SRP19: variants seen among roughly 807,000 people sequenced by gnomAD.
SRP19 encodes the protein signal recognition particle 19 kDa protein.
Under a neutral mutation model 22.4 loss-of-function variants are expected in SRP19, and 11 were observed. The observed-to-expected ratio is 0.49, with a 90% CI of 0.31 to 0.81. The LOEUF (loss-of-function observed/expected upper bound fraction) is 0.81. Among genes scored for constraint, SRP19 ranks in the 40% least tolerant of loss-of-function variants. The probability of loss-of-function intolerance (pLI) is 0.05; values close to 1 mark genes in which losing one functional copy is unlikely to be tolerated. For missense variants in SRP19, 168 were observed against 175.9 expected (o/e 0.96, Z 0.25); for synonymous variants, 61 against 57.6 (o/e 1.06, Z -0.27).
chr5:112,865,019 T>C (rs763584518), intron 4 of SRP19: 4 of 230,318 alleles, frequency 1.7e-5, no homozygotes, highest in Non-Finnish European at 8.4e-6. Flanking sequence ...GAATATAAAA[T>C]TATTAAATCG....
At chr5:112,874,000 C>T (rs1767839583), downstream of SRP19, among the ~76,000 whole-genome samples, 4 of 148,634 alleles carry the variant, frequency 2.7e-5, no homozygotes, top group Admixed American at 2.7e-4. Context: ...TCCCTCTCTA[C>T]AAAAAAAAAT....
At chr5:112,891,586 T>C in intron 4 of SRP19, 2 of 1,554,874 alleles carry the variant, frequency 1.3e-6, no homozygotes, top group Non-Finnish European at 1.7e-6. Context: ...AACAAAATCT[T>C]CCATATATTC....
chr5:112,874,647 C>T (rs382260), downstream of SRP19, among the ~76,000 whole-genome samples: 98,155 of 151,998 alleles, frequency 0.65, 31,980 homozygotes, highest in East Asian at 0.82. Flanking sequence ...CAACATTGCC[C>T]GGGCTGTTTA....
downstream of SRP19, chr5:112,895,675 TA>T (rs987604891): frequency 1.3e-5 from 2 of 152,190 alleles, no homozygotes; most frequent in African/African-American, 4.8e-5. Flanking sequence ...TTTCTTATGT[TA>T]AAAATAAAGT....
At chr5:112,884,647 A>C (rs949125524) in intron 4 of SRP19, among the ~76,000 whole-genome samples, 1 of 152,048 alleles carries the variant, frequency 6.6e-6, no homozygotes, top group Admixed American at 6.5e-5. Flanking sequence ...TAGCCTCCCA[A>C]AATGTTGGGA....
At chr5:112,872,322 CTTTTTTTT>C (rs759571945), downstream of SRP19, among the ~76,000 whole-genome samples, 2 of 92,692 alleles carry the variant, frequency 2.2e-5, no homozygotes, top group African/African-American at 4.1e-5. Flanking sequence ...CCAAATGATT[CTTTTTTTT>C]TTTTTTTTTT....
chr5:112,894,036 G>C (rs1326024779), downstream of SRP19: 5 of 151,936 alleles, frequency 3.3e-5, no homozygotes, highest in African/African-American at 1.2e-4. Flanking sequence ...CATAGTGCCA[G>C]TTAATTACAG....
At chr5:112,862,441 C>A in intron 1 of SRP19, 67 bp from the exon 2 acceptor site, 1 of 1,430,778 alleles carries the variant, frequency 7.0e-7, no homozygotes, top group Non-Finnish European at 9.8e-7. Context: ...TGGTTCCCTG[C>A]CACCCGACCC....
chr5:112,884,692 T>C (rs780297671), intron 4 of SRP19, among the ~76,000 whole-genome samples: 20 of 151,784 alleles, frequency 1.3e-4, no homozygotes, highest in Non-Finnish European at 2.4e-4. Flanking sequence ...ATTCCTTTAC[T>C]ACTATTGAGT....
At chr5:112,877,407 T>G (rs1767930911) in intron 4 of SRP19, 1 of 152,214 alleles carries the variant, frequency 6.6e-6, no homozygotes, top group Non-Finnish European at 1.5e-5. Flanking sequence ...AACAGTATGG[T>G]GTAAAACTCA....
chr5:112,867,808 A>G lies in SRP19; in HGVS notation c.*271A>G, dbSNP rs943021713. ...TTTTAAATGGACAATGGACTGTACA[A>G]TAAGTTACTTGAAATAAGTTGTTTC... On this transcript the variant is annotated 3_prime_UTR_variant, in exon 5 of 5. Transcript: ENST00000505459. 5 of 1,119,068 alleles carry G rather than the reference A, an allele frequency of 4.5e-6. No homozygotes were observed. Among genetic ancestry groups the G allele is most frequent in the African/African-American group, 3.2e-5 (2 of 62,062 alleles). 69.3% of individuals were successfully genotyped at this position (1,119,068 alleles called of 1,614,324 possible).
rs1309636764 is a variant in SRP19, at chr5:112,887,027, T to C, written c.302-4576T>C. 9 of 1,603,950 alleles carry C rather than the reference T, an allele frequency of 5.6e-6. 1 individual carries two copies. Among genetic ancestry groups the C allele is most frequent in the South Asian group, 5.5e-5 (5 of 90,538 alleles). ...TCCTGAGTCTTACCTTCTTTAGTGA[T>C]GGCATCTGCAGTCTCTTTGGCCTTG... On this transcript the variant is annotated intron_variant, in intron 4 of 4. Transcript: ENST00000391338.
intron 1 of SRP19, among the ~76,000 whole-genome samples, chr5:112,861,961 C>T (rs914149232): frequency 3.3e-5 from 5 of 151,366 alleles, no homozygotes; most frequent in Admixed American, 2.6e-4. Context: ...AAAGAAATAA[C>T]ATTAAGCAAA....
chr5:112,895,474 CTTA>C (rs1288157625), downstream of SRP19: 4 of 127,900 alleles, frequency 3.1e-5, no homozygotes, highest in Admixed American at 7.4e-5. Flanking sequence ...TCCAGACAAG[CTTA>C]TTATCTTTTC....
In SRP19 at chr5:112,864,529, G is replaced by C. The variant is rs748977720; in HGVS notation, c.189+1G>C. On this transcript the variant is annotated splice_donor_variant, in intron 3 of 4. Transcript: ENST00000505459. LOFTEE classifies it high-confidence loss of function. ...AGTTGGACTTAACGTATTTCTTGAG[G>C]TATGACGTGGTTCTTCACTATTTTC... The C allele has an allele frequency of 2.5e-6, 4 of 1,613,850 alleles. No individual in the cohort carries two copies. The highest frequency in any genetic ancestry group is 3.4e-6 in the Non-Finnish European group (4 of 1,179,790).
chr5:112,867,688 A>G lies in SRP19; in HGVS notation c.*151A>G, dbSNP rs1418614703. ...TCTCATCTTTATCATCGGAGTTGAC[A>G]GTGAAACAAATTTACATCAGAAGTT... On this transcript the variant is annotated 3_prime_UTR_variant, in exon 5 of 5. Transcript: ENST00000505459. The G allele has an allele frequency of 5.2e-6, 7 of 1,357,022 alleles. No individual in the cohort carries two copies. The highest frequency in any genetic ancestry group is 6.7e-6 in the Non-Finnish European group (7 of 1,051,068). 84.1% of individuals were successfully genotyped at this position (1,357,022 alleles called of 1,614,324 possible).
chr5:112,884,935 G>A lies in SRP19; in HGVS notation c.302-6668G>A, dbSNP rs1414715054. Among the ~76,000 whole-genome samples the A allele has an allele frequency of 5.3e-5, 8 of 152,062 alleles. No individual in the cohort carries two copies. The East Asian group carries it at 1.5e-3, about 29-fold the overall frequency. On this transcript the variant is annotated intron_variant, in intron 4 of 4. Transcript: ENST00000391338. ...TTCGGTATGCTGGTTCACTGCCAGT[G>A]TTATGAACATGCTTGGCACATATTA...
chr5:112,874,771 C>T (rs560357512), downstream of SRP19, among the ~76,000 whole-genome samples: 8 of 124,626 alleles, frequency 6.4e-5, no homozygotes, highest in African/African-American at 1.4e-4. Flanking sequence ...TTCTGATGTG[C>T]GCCAATTTTT....
chr5:112,897,984 G>T (rs1482537063), downstream of SRP19: 1 of 152,230 alleles, frequency 6.6e-6, no homozygotes, highest in Non-Finnish European at 1.5e-5. Flanking sequence ...GCTGGAACTG[G>T]AGAGGCAGTG....
Sources: gnomAD v4.1 joint callset for allele counts (sites outside exome capture counted in the v4.1 genomes callset) on GRCh38, gnomAD v4.1.1 for gene constraint, MANE v1.5 for transcripts, NCBI Gene and HGNC (gene_info 2026-07-23, HGNC 2026-07-21) for gene names.